Variants in CREB1 observed in about 807,000 individuals in gnomAD.
CREB1 encodes the protein cAMP responsive element binding protein 1, also known as cyclic AMP-responsive element-binding protein 1.
Under a neutral mutation model 42.0 loss-of-function variants are expected in CREB1, and 2 were observed. That is an observed-to-expected ratio of 0.05 (90% CI 0.02 to 0.15). CREB1 has a LOEUF of 0.15. CREB1 is among the 10% of genes least tolerant of loss of function. The pLI is 1.00. For missense variants in CREB1, 199 were observed against 388.9 expected, an observed-to-expected ratio of 0.51 and a Z score of 4.11; for synonymous variants, 123 against 139.9, an observed-to-expected ratio of 0.88 and a Z score of 0.85.
At chr2:207,578,483 G>GC (rs907568132) in intron 7 of CREB1, among the ~76,000 whole-genome samples, 8 of 152,166 alleles carry the variant, frequency 5.3e-5, no homozygotes, top group Non-Finnish European at 1.2e-4. Flanking sequence ...CCAAGTCCTA[G>GC]CCCTATCCCT....
At position 207,604,751 on chromosome 2, in the gene CREB1, C is replaced by T. The variant is rs181042336; in HGVS notation, c.*7693C>T. Among the ~76,000 whole-genome samples the T allele has an allele frequency of 1.3e-5, 2 of 152,308 alleles. No individual in the cohort carries two copies. Among genetic ancestry groups the T allele is most frequent in the African/African-American group, 4.8e-5 (2 of 41,562 alleles). On this transcript the variant is annotated 3_prime_UTR_variant, in exon 8 of 8. Transcript: ENST00000353267. ...GTTACTCTCCATTTTCTCCTCCCAC[C>T]GCCCTTGTCCCTGGCAACCACCAAT...
chr2:207,593,936 C>G (rs1286259837), intron 7 of CREB1, among the ~76,000 whole-genome samples: 1 of 152,128 alleles, frequency 6.6e-6, no homozygotes, highest in Non-Finnish European at 1.5e-5. Flanking sequence ...CCAGGCTGGT[C>G]TCAAACTCCT....
intron 2 of CREB1, chr2:207,559,368 T>G (rs2081866695): frequency 2.4e-6 from 2 of 831,094 alleles, no homozygotes; most frequent in Non-Finnish European, 2.9e-6. Flanking sequence ...TGTCCATTTT[T>G]CTTTTAGCAA....
chr2:207,542,168 A>G (rs1178300318), intron 1 of CREB1, among the ~76,000 whole-genome samples: 1 of 152,290 alleles, frequency 6.6e-6, no homozygotes, highest in East Asian at 1.9e-4. Context: ...CTCTGAGTAT[A>G]TACTCAGGAA....
At chr2:207,557,439 T>G (rs2081773797) in intron 2 of CREB1, among the ~76,000 whole-genome samples, 1 of 152,122 alleles carries the variant, frequency 6.6e-6, no homozygotes, top group South Asian at 2.1e-4. Context: ...TCCCCACACT[T>G]TGGGAGGCCG....
chr2:207,580,993 C>G (rs2082891893), intron 7 of CREB1: 2 of 218,660 alleles, frequency 9.1e-6, no homozygotes, highest in Non-Finnish European at 1.8e-5. Context: ...TGGGAATGAA[C>G]TCTTCCTACA....
chr2:207,576,786 A>C (rs1005652620), intron 6 of CREB1: 5 of 1,039,958 alleles, frequency 4.8e-6, no homozygotes, highest in Middle Eastern at 9.0e-4. Context: ...AAGACCTTCA[A>C]ATTTTTTTAA....
intron 7 of CREB1, among the ~76,000 whole-genome samples, chr2:207,588,960 A>T (rs1041685493): frequency 1.3e-5 from 2 of 151,938 alleles, no homozygotes; most frequent in East Asian, 3.9e-4. Context: ...GACAGTTTTA[A>T]TTATTTCTAA....
At chr2:207,553,043 C>T (rs1168149213) in intron 1 of CREB1, among the ~76,000 whole-genome samples, 1 of 144,378 alleles carries the variant, frequency 6.9e-6, no homozygotes, top group Admixed American at 6.9e-5. Flanking sequence ...ATGAAAATTA[C>T]GGATAACTTA....
At chr2:207,562,101 C>T (rs889768030) in intron 3 of CREB1, among the ~76,000 whole-genome samples, 8 of 152,088 alleles carry the variant, frequency 5.3e-5, no homozygotes, top group African/African-American at 1.9e-4. Context: ...TAGTCCTTTG[C>T]CTTAGTTTTT....
At chr2:207,544,055 G>T (rs1355668448) in intron 1 of CREB1, among the ~76,000 whole-genome samples, 2 of 152,124 alleles carry the variant, frequency 1.3e-5, no homozygotes, top group African/African-American at 4.8e-5. Context: ...GAGTAGCTGG[G>T]ACTACAGGGG....
At chr2:207,532,077 CG>C (rs2080657152) in intron 1 of CREB1, among the ~76,000 whole-genome samples, 1 of 151,982 alleles carries the variant, frequency 6.6e-6, no homozygotes, top group Admixed American at 6.6e-5. Context: ...GAATATAAGT[CG>C]GGCGCGGTGG....
rs1041581061 is a variant in CREB1 at position 207,567,359 on chromosome 2, C to G, written c.262-104C>G. On this transcript the variant is annotated intron_variant, in intron 3 of 7. Coordinates refer to ENST00000353267, the MANE Select transcript of CREB1 (RefSeq NM_004379.5). Reference sequence around the variant, plus strand: ...TCCCATAAGAACTGATTTTTTTCTACTGAAGCATGTATAAAGTTTATATAT... The same window carrying G: ...TCCCATAAGAACTGATTTTTTTCTAGTGAAGCATGTATAAAGTTTATATAT... The G allele has an allele frequency of 4.3e-6, 3 of 700,448 alleles. No individual in the cohort carries two copies. The Admixed American group carries it at 8.2e-5, about 19-fold the overall frequency. 43.4% of individuals were successfully genotyped at this position (700,448 alleles called of 1,614,324 possible). A position where few individuals can be genotyped will look rare whatever the true frequency, so the allele number is the denominator to read the frequency against.
At chr2:207,587,457 C>G (rs2084087454) in intron 7 of CREB1, among the ~76,000 whole-genome samples, 1 of 151,278 alleles carries the variant, frequency 6.6e-6, no homozygotes. Flanking sequence ...TATGATCTAG[C>G]AATCCTACTA....
chr2:207,589,309 T>C (rs924650263), intron 7 of CREB1, among the ~76,000 whole-genome samples: 5 of 152,218 alleles, frequency 3.3e-5, no homozygotes, highest in African/African-American at 9.6e-5. Context: ...TTTTGCCTCA[T>C]GGCCCCCTTT....
chr2:207,564,637 T>C (rs2082075986), intron 3 of CREB1, among the ~76,000 whole-genome samples: 1 of 152,234 alleles, frequency 6.6e-6, no homozygotes, highest in Admixed American at 6.5e-5. Context: ...TACCATTGTT[T>C]TGATTGGTTC....
chr2:207,578,318 T>C (rs1275799411), intron 7 of CREB1, among the ~76,000 whole-genome samples: 1 of 152,138 alleles, frequency 6.6e-6, no homozygotes, highest in Non-Finnish European at 1.5e-5. Flanking sequence ...TTACTAAATA[T>C]TGGTTTAGAA....
chr2:207,584,913 C>T (rs753726824), intron 7 of CREB1, among the ~76,000 whole-genome samples: 3 of 152,082 alleles, frequency 2.0e-5, no homozygotes, highest in Admixed American at 1.3e-4. Context: ...AAAAGGTTGC[C>T]ATTTTGATGA....
At chr2:207,566,024 C>T (rs1005212569) in intron 3 of CREB1, among the ~76,000 whole-genome samples, 1 of 152,162 alleles carries the variant, frequency 6.6e-6, no homozygotes. Context: ...TTCAGCATTA[C>T]TCATCTTTTT....
Sources: gnomAD v4.1 joint callset for allele counts (sites outside exome capture counted in the v4.1 genomes callset) on GRCh38, gnomAD v4.1.1 for gene constraint, MANE v1.5 for transcripts, NCBI Gene and HGNC (gene_info 2026-07-23, HGNC 2026-07-21) for gene names.